ATP11A: variants seen among roughly 807,000 people sequenced by gnomAD.
ATP11A encodes ATPase phospholipid transporting 11A.
A neutral mutation model predicts 154.4 loss-of-function variants in ATP11A; 81 were observed. That is an observed-to-expected ratio of 0.52 (90% confidence interval 0.44 to 0.63). The LOEUF (loss-of-function observed/expected upper bound fraction) is 0.63. ATP11A is among the 30% of genes least tolerant of loss of function. The pLI is 0.00. For missense variants in ATP11A, 1,316 were observed against 1,474.3 expected (o/e 0.89, Z 1.76); for synonymous variants, 623 against 585.9 (o/e 1.06, Z -0.91).
At chr13:112,787,909 C>A (rs1406360378) in intron 2 of ATP11A, among the ~76,000 whole-genome samples, 1 of 149,318 alleles carries the variant, frequency 6.7e-6, no homozygotes. Flanking sequence ...CATGTGTAGA[C>A]CCTTGCGGAG....
chr13:112,765,469 C>T (rs2077054435), intron 1 of ATP11A, among the ~76,000 whole-genome samples: 1 of 152,228 alleles, frequency 6.6e-6, no homozygotes, highest in African/African-American at 2.4e-5. Context: ...TTTCCTTGTC[C>T]ACTCCACGTT....
intron 16 of ATP11A, 136 bp downstream of exon 16, chr13:112,836,387 A>G (rs1389421639): frequency 3.8e-6 from 2 of 531,276 alleles, no homozygotes; most frequent in Admixed American, 7.2e-5. Flanking sequence ...CTATAGACAA[A>G]TCCTCTCAAA....
At chr13:112,789,422 C>G (rs1010776495) in intron 2 of ATP11A, among the ~76,000 whole-genome samples, 3 of 145,480 alleles carry the variant, frequency 2.1e-5, no homozygotes, top group Non-Finnish European at 4.5e-5. Flanking sequence ...CCTGTGGAGA[C>G]CTACTTAATT....
In ATP11A at chr13:112,882,229, C is replaced by T. The variant is rs891218297; in HGVS notation, c.*363C>T. On this transcript the variant is annotated 3_prime_UTR_variant, in exon 30 of 30. Coordinates refer to ENST00000375645, the MANE Select transcript of ATP11A (RefSeq NM_015205.3). The surrounding 1 kb of genome is among the most constrained non-coding windows in gnomAD (Gnocchi z 5.1). Reference sequence around the variant, plus strand: ...AGTGGCCTCTGGGCATTCGGCTCAACGCAGGAGGGACATTCTGCTGGCCCA... The same window carrying T: ...AGTGGCCTCTGGGCATTCGGCTCAATGCAGGAGGGACATTCTGCTGGCCCA... The T allele has an allele frequency of 6.9e-6, 6 of 874,836 alleles. No homozygotes were observed. The highest frequency in any genetic ancestry group is 1.7e-5 in the African/African-American group (1 of 57,468). The allele number at this position is 874,836 out of a possible 1,614,324, so 54.2% of individuals were successfully genotyped here.
At chr13:112,853,088 C>T (rs1039050382) in intron 18 of ATP11A, among the ~76,000 whole-genome samples, 1 of 151,996 alleles carries the variant, frequency 6.6e-6, no homozygotes, top group Non-Finnish European at 1.5e-5. Flanking sequence ...AGCATGGTAG[C>T]AGGCACCTGT....
intron 12 of ATP11A, among the ~76,000 whole-genome samples, chr13:112,830,252 T>C (rs77833530): frequency 0.05 from 7,573 of 152,330 alleles, 291 homozygotes; most frequent in Non-Finnish European, 0.074. Flanking sequence ...ACATTTGTTA[T>C]CTCATTCTTA....
chr13:112,855,281 G>T (rs1404817874), intron 19 of ATP11A, among the ~76,000 whole-genome samples: 1 of 152,082 alleles, frequency 6.6e-6, no homozygotes, highest in East Asian at 1.9e-4. Flanking sequence ...GGCTCACTGT[G>T]ACCTCCGCCT....
At position 112,875,215 on chromosome 13, in the gene ATP11A, G is replaced by A. The variant is rs999753814; in HGVS notation, c.3162-561G>A. Among the ~76,000 whole-genome samples, 4 of 152,150 alleles carry A rather than the reference G, an allele frequency of 2.6e-5. No individual in the cohort carries two copies. Among genetic ancestry groups the A allele is most frequent in the East Asian group, 1.9e-4 (1 of 5,184 alleles). ...TATCTCTGTGTCTCTGCCACCATCC[G>A]TAGTGCCTGGGATGTGAAAGGCGAT... On this transcript the variant is annotated intron_variant, in intron 27 of 29. Transcript: ENST00000375645. The surrounding 1 kb of genome is among the most constrained non-coding windows in gnomAD (Gnocchi z 4.1).
At chr13:112,856,182 A>AG in intron 20 of ATP11A, 97 bp downstream of exon 20, 2 of 1,210,812 alleles carry the variant, frequency 1.7e-6, no homozygotes, top group Non-Finnish European at 2.3e-6. Context: ...TAAACAATCT[A>AG]GCAGGGTACC....
chr13:112,765,771 C>T (rs964657894), intron 1 of ATP11A, among the ~76,000 whole-genome samples: 1 of 152,254 alleles, frequency 6.6e-6, no homozygotes, highest in Non-Finnish European at 1.5e-5. Flanking sequence ...CCGGAGCCTG[C>T]TACAGTGGAT....
At chr13:112,804,692 TTAA>T (rs1385145204) in intron 2 of ATP11A, among the ~76,000 whole-genome samples, 1 of 151,916 alleles carries the variant, frequency 6.6e-6, no homozygotes, top group Non-Finnish European at 1.5e-5. Flanking sequence ...AAAAGACATC[TTAA>T]TAATCAAACT....
intron 14 of ATP11A, 100 bp from the exon 15 acceptor site, chr13:112,834,487 CTT>C (rs1376464431): frequency 1.1e-5 from 8 of 755,206 alleles, no homozygotes; most frequent in Non-Finnish European, 1.9e-5. Context: ...GAAAGTATTT[CTT>C]TTTTGAAAAG....
intron 25 of ATP11A, 50 bp from the exon 26 acceptor site, chr13:112,871,684 GA>G (rs747828834): frequency 1.7e-4 from 263 of 1,531,698 alleles, no homozygotes; most frequent in Middle Eastern, 5.1e-4. Context: ...TTGTGAAAGA[GA>G]AAAAAAAATA....
chr13:112,803,123 A>G (rs2078183263), intron 2 of ATP11A, among the ~76,000 whole-genome samples: 1 of 152,246 alleles, frequency 6.6e-6, no homozygotes. Context: ...TGTGAAAGGT[A>G]AAATCACTTT....
In ATP11A at chr13:112,824,344, G is replaced by C; in HGVS notation, c.791G>C (p.Gly264Ala). ...ATLKNTEKIF[G>A]VAIYTGMETK... ...TCACCCTTGCTCTTCCTCTCTGTAG[G>C]TGTGGCTATTTACACGGGAATGGAA... is the stretch of plus-strand genomic sequence containing the variant. Residue 264 changes from glycine to alanine, a missense_variant and splice_region_variant, in exon 10 of 30, where the codon GGT (glycine) becomes GCT (alanine). Coordinates refer to ENST00000375645, the MANE Select transcript of ATP11A (RefSeq NM_015205.3). 6.2e-7 allele frequency: 1 copy of C among 1,613,190 alleles called. No individual in the cohort carries two copies. Among genetic ancestry groups the C allele is most frequent in the Non-Finnish European group, 8.5e-7 (1 of 1,179,170 alleles).
intron 1 of ATP11A, among the ~76,000 whole-genome samples, chr13:112,781,607 T>A (rs2077501396): frequency 6.6e-6 from 1 of 152,216 alleles, no homozygotes; most frequent in Admixed American, 6.5e-5. Flanking sequence ...GGGCGCCCTG[T>A]CCCCAGGCTG....
chr13:112,882,426 T>G lies in ATP11A; in HGVS notation c.*560T>G. 2.3e-6 allele frequency: 1 copy of G among 430,076 alleles called. No individual in the cohort carries two copies. The allele number at this position is 430,076 out of a possible 1,614,324, so 26.6% of individuals were successfully genotyped here. ...GCTTGCCCGGCCACCACCCATGCCC[T>G]CCATAGGGTGAGGTGGAGCCATGGT... On this transcript the variant is annotated 3_prime_UTR_variant, in exon 30 of 30. Transcript: ENST00000375645. The surrounding 1 kb of genome is among the most constrained non-coding windows in gnomAD (Gnocchi z 5.1).
chr13:112,863,355 G>C (rs9549311), intron 25 of ATP11A, among the ~76,000 whole-genome samples: 2 of 55,154 alleles, frequency 3.6e-5, no homozygotes, highest in African/African-American at 1.2e-4. Context: ...CACCACCTGC[G>C]CAGTAATTCA....
At chr13:112,822,253 G>C (rs1483986368) in intron 8 of ATP11A, among the ~76,000 whole-genome samples, 1 of 152,132 alleles carries the variant, frequency 6.6e-6, no homozygotes, top group African/African-American at 2.4e-5. Flanking sequence ...TTACTACTTA[G>C]GAAATGAGAA....
Sources: allele counts gnomAD v4.1 joint callset (sites outside exome capture counted in the v4.1 genomes callset), GRCh38; gene constraint gnomAD v4.1.1; non-coding constraint Gnocchi (gnomAD v3.1); transcripts MANE v1.5; gene names NCBI Gene and HGNC (gene_info 2026-07-23, HGNC 2026-07-21).